ZSWIM3: variants seen among roughly 807,000 people sequenced by gnomAD.
The protein encoded by ZSWIM3 is zinc finger SWIM domain-containing protein 3.
In ZSWIM3, 27 loss-of-function variants were observed where a neutral mutation model predicts 47.5. The ratio of observed to expected loss-of-function variants is 0.57; its 90% confidence interval spans 0.42 to 0.78. ZSWIM3 has a LOEUF of 0.78. Ranked by LOEUF, ZSWIM3 falls within the 30% of genes least tolerant of loss-of-function variation. The pLI is 0.00. For synonymous variants in ZSWIM3, 333 were observed against 333.9 expected (o/e 1.00, Z 0.03); for missense variants, 689 against 861.3 (o/e 0.80, Z 2.50).
chr20:45,878,106 G>A lies in ZSWIM3; in HGVS notation c.1548G>A (p.Val516=), dbSNP rs1287602348. ...AYKLCHNEWE[V]VQNSTHLVDM... is the part of the protein sequence containing the mutation. Reference sequence around the variant, plus strand: ...AGCTGTGCCACAATGAGTGGGAGGTGGTACAGAACTCCACCCACCTGGTGG... The same window carrying A: ...AGCTGTGCCACAATGAGTGGGAGGTAGTACAGAACTCCACCCACCTGGTGG... The change falls in exon 2 of 2, where the codon GTG becomes GTA. Residue 516 remains valine, a synonymous_variant. Transcript: ENST00000255152. 1.9e-6 allele frequency: 3 copies of A among 1,614,028 alleles called. No individual in the cohort carries two copies. Among genetic ancestry groups the A allele is most frequent in the Non-Finnish European group, 2.5e-6 (3 of 1,180,034 alleles).
chr20:45,860,741 A>G (rs1806816536), intron 1 of ZSWIM3, among the ~76,000 whole-genome samples: 1 of 152,164 alleles, frequency 6.6e-6, no homozygotes, highest in Admixed American at 6.5e-5. Context: ...GGGCCCACCC[A>G]GATAATCCCA....
rs200330798 is a variant in ZSWIM3 at position 45,878,342 on chromosome 20, A to G, written c.1784A>G (p.Asn595Ser). Reference protein sequence around the residue: ...QKKYQYLLGPNGELQDRGMVP... With the variant: ...QKKYQYLLGPSGELQDRGMVP... ...AAGTACCAGTACCTCCTTGGGCCCAATGGGGAGCTCCAGGATCGTGGTATG... is the reference window on the plus strand; with the variant it reads ...AAGTACCAGTACCTCCTTGGGCCCAGTGGGGAGCTCCAGGATCGTGGTATG... Residue 595 changes from asparagine to serine, a missense_variant, in exon 2 of 2, where the codon AAT (asparagine) becomes AGT (serine). Transcript: ENST00000255152. 1.3e-4 allele frequency: 207 copies of G among 1,614,194 alleles called. 1 individual carries two copies. Among genetic ancestry groups the G allele is most frequent in the Middle Eastern group, 6.6e-4 (4 of 6,062 alleles).
intron 1 of ZSWIM3, among the ~76,000 whole-genome samples, chr20:45,870,990 C>T (rs1237922224): frequency 6.6e-6 from 1 of 152,160 alleles, no homozygotes; most frequent in Admixed American, 6.6e-5. Flanking sequence ...CCACGGCGCC[C>T]AGCTACTGGA....
In ZSWIM3 at chr20:45,857,764, C is replaced by T; in HGVS notation, c.-62C>T. 1 of 1,585,870 alleles carries T rather than the reference C, an allele frequency of 6.3e-7. No individual in the cohort carries two copies. Among genetic ancestry groups the T allele is most frequent in the Non-Finnish European group, 8.6e-7 (1 of 1,162,992 alleles). On this transcript the variant is annotated 5_prime_UTR_variant, in exon 1 of 2. Transcript: ENST00000255152. ...TAAACCCTCATAGTGTGACCTTTGACCCCTGGTGTGATCTTGGGCCCGGGC... is the reference window on the plus strand; with the variant it reads ...TAAACCCTCATAGTGTGACCTTTGATCCCTGGTGTGATCTTGGGCCCGGGC...
rs748737779 is a variant in ZSWIM3, at chr20:45,877,489, A to G, written c.931A>G (p.Thr311Ala). ...ARILLSIYHT[T>A]RLLEKKLHRS... ...CATCCTCCTTTCCATCTACCACACA[A>G]CCCGACTCTTGGAGAAGAAGTTGCA... The change falls in exon 2 of 2, where the codon ACC (threonine) becomes GCC (alanine). Residue 311 changes from threonine (T) to alanine (A), a missense_variant. Coordinates refer to ENST00000255152, the MANE Select transcript of ZSWIM3 (RefSeq NM_080752.4). 6.2e-7 allele frequency: 1 copy of G among 1,613,714 alleles called. No homozygotes were observed. The highest frequency in any genetic ancestry group is 8.5e-7 in the Non-Finnish European group (1 of 1,179,914).
At chr20:45,867,508 G>T (rs1001600954) in intron 1 of ZSWIM3, among the ~76,000 whole-genome samples, 7 of 152,108 alleles carry the variant, frequency 4.6e-5, no homozygotes, top group African/African-American at 1.7e-4. Flanking sequence ...TAATTTTACT[G>T]AATTATGCTG....
At chr20:45,863,090 G>C (rs1297654299) in intron 1 of ZSWIM3, among the ~76,000 whole-genome samples, 1 of 151,804 alleles carries the variant, frequency 6.6e-6, no homozygotes, top group East Asian at 1.9e-4. Flanking sequence ...TGCTGTACCT[G>C]GCTCTTCTCA....
At chr20:45,865,234 G>T (rs1173636744) in intron 1 of ZSWIM3, among the ~76,000 whole-genome samples, 2 of 151,328 alleles carry the variant, frequency 1.3e-5, no homozygotes, top group Admixed American at 1.3e-4. Context: ...CAGGAGAATC[G>T]CTTGAACCTG....
intron 1 of ZSWIM3, among the ~76,000 whole-genome samples, chr20:45,875,082 AG>A (rs1361114457): frequency 8.7e-6 from 1 of 114,754 alleles, no homozygotes; most frequent in Admixed American, 1.4e-4. Context: ...TCTGTCACCC[AG>A]GCTGGAGTGC....
intron 1 of ZSWIM3, among the ~76,000 whole-genome samples, chr20:45,866,146 A>G (rs1281590679): frequency 6.6e-6 from 1 of 151,674 alleles, no homozygotes; most frequent in Non-Finnish European, 1.5e-5. Flanking sequence ...TACTAAAAAT[A>G]CACAAATTAG....
At position 45,877,118 on chromosome 20, in the gene ZSWIM3, G is replaced by A; in HGVS notation, c.560G>A (p.Gly187Asp). The A allele has an allele frequency of 1.2e-6, 2 of 1,614,168 alleles. No individual in the cohort carries two copies. The highest frequency in any genetic ancestry group is 8.5e-7 in the Non-Finnish European group (1 of 1,180,032). ...AAGAACTTTCTTAAGGTAGATGAGGGTTCCATGGCTTCCTTCAGTGTGGGT... is the reference window on the plus strand; with the variant it reads ...AAGAACTTTCTTAAGGTAGATGAGGATTCCATGGCTTCCTTCAGTGTGGGT... ...VMKNFLKVDE[G>D]SMASFSVGDS... Residue 187 changes from glycine (G) to aspartate (D), a missense_variant, in exon 2 of 2, where the codon GGT becomes GAT. By Grantham distance (94) the Gly-to-Asp change is moderately conservative. Transcript: ENST00000255152.
At position 45,878,531 on chromosome 20, in the gene ZSWIM3, C is replaced by T. The variant is rs145639872; in HGVS notation, c.1973C>T (p.Pro658Leu). The T allele has an allele frequency of 6.0e-5, 97 of 1,614,100 alleles. No individual in the cohort carries two copies. The highest frequency in any genetic ancestry group is 8.1e-5 in the Non-Finnish European group (96 of 1,180,046). Residue 658 changes from proline to leucine, a missense_variant, in exon 2 of 2, where the codon CCA (proline) becomes CTA (leucine). Pro to Leu is a moderately conservative substitution (Grantham distance 98). Coordinates refer to ENST00000255152, the MANE Select transcript of ZSWIM3 (RefSeq NM_080752.4). ...IVDIWAGPSQ[P>L]SELFQQPGDF... Reference sequence around the variant, plus strand: ...GATATCTGGGCTGGCCCCTCCCAGCCATCTGAGCTCTTTCAGCAGCCAGGA... The same window carrying T: ...GATATCTGGGCTGGCCCCTCCCAGCTATCTGAGCTCTTTCAGCAGCCAGGA...
Position 45,877,234 on chromosome 20 carries a change from G to A in ZSWIM3, c.676G>A (p.Val226Met). 1.2e-6 allele frequency: 2 copies of A among 1,614,086 alleles called. No homozygotes were observed. The highest frequency in any genetic ancestry group is 1.1e-5 in the South Asian group (1 of 91,058). ...RFPENLLLHR[V>M]ENTQGHILYA... ...CCCAGAGAATCTCTTGCTACACCGG[G>A]TGGAGAACACCCAGGGCCACATCCT... The change falls in exon 2 of 2, where the codon GTG becomes ATG. Residue 226 changes from valine to methionine, a missense_variant. Transcript: ENST00000255152.
chr20:45,864,634 G>A (rs772042726), intron 1 of ZSWIM3, among the ~76,000 whole-genome samples: 16 of 152,184 alleles, frequency 1.1e-4, no homozygotes, highest in Non-Finnish European at 2.1e-4. Context: ...AGGTCGAGGC[G>A]GGCGGATCAC....
intron 1 of ZSWIM3, among the ~76,000 whole-genome samples, chr20:45,859,201 C>A (rs189772545): frequency 3.3e-5 from 5 of 152,122 alleles, no homozygotes; most frequent in African/African-American, 7.2e-5. Flanking sequence ...CGGGCCAACT[C>A]AGAGTTAAAG....
intron 1 of ZSWIM3, among the ~76,000 whole-genome samples, chr20:45,869,783 A>T (rs1004491272): frequency 6.6e-6 from 1 of 151,822 alleles, no homozygotes; most frequent in African/African-American, 2.4e-5. Flanking sequence ...GGTGGCTCAC[A>T]CCTGTAATCC....
intron 1 of ZSWIM3, among the ~76,000 whole-genome samples, chr20:45,870,334 C>T (rs928095613): frequency 1.2e-4 from 15 of 121,296 alleles, no homozygotes; most frequent in Non-Finnish European, 2.7e-4. Context: ...AGGGAGACTC[C>T]GTCTCAAAAA....
intron 1 of ZSWIM3, 109 bp from the exon 2 acceptor site, chr20:45,876,605 C>A: frequency 7.3e-7 from 1 of 1,368,698 alleles, no homozygotes; most frequent in Non-Finnish European, 9.9e-7. Context: ...TCCCAAAGTG[C>A]TGGGGTTATA....
chr20:45,861,076 T>C (rs1985695912), intron 1 of ZSWIM3, among the ~76,000 whole-genome samples: 1 of 152,128 alleles, frequency 6.6e-6, no homozygotes, highest in Non-Finnish European at 1.5e-5. Flanking sequence ...GCCCAGACTA[T>C]AATCCTGGGC....
Sources: allele counts gnomAD v4.1 joint callset (sites outside exome capture counted in the v4.1 genomes callset), GRCh38; gene constraint gnomAD v4.1.1; transcripts MANE v1.5; gene names NCBI Gene and HGNC (gene_info 2026-07-23, HGNC 2026-07-21).